Variants in PCDHGA6 observed in about 807,000 individuals in gnomAD.
PCDHGA6 encodes the protein protocadherin gamma-A6.
Under a neutral mutation model 60.6 loss-of-function variants are expected in PCDHGA6, and 41 were observed. The observed-to-expected ratio is 0.68, with a 90% CI of 0.53 to 0.88. PCDHGA6 has a LOEUF of 0.88. PCDHGA6 is among the 40% of genes least tolerant of loss of function. The pLI, the probability that PCDHGA6 is intolerant of heterozygous loss-of-function variation, is 0.00. For missense variants in PCDHGA6, 1,312 were observed against 1,203.0 expected, an observed-to-expected ratio of 1.09 and a Z score of -1.34; for synonymous variants, 594 against 524.4, an observed-to-expected ratio of 1.13 and a Z score of -1.81.
chr5:141,418,906 C>T, intron 1 of PCDHGA6: 1 of 1,613,908 alleles, frequency 6.2e-7, no homozygotes, highest in Non-Finnish European at 8.5e-7. Flanking sequence ...AAATAATCAT[C>T]ACGTCACTCT....
intron 1 of PCDHGA6, among the ~76,000 whole-genome samples, chr5:141,488,133 G>T (rs1046071550): frequency 6.6e-6 from 1 of 152,198 alleles, no homozygotes; most frequent in Non-Finnish European, 1.5e-5. Context: ...AGAAAGAGGA[G>T]AGAACTAAAG....
chr5:141,380,927 T>C (rs1776861991), intron 1 of PCDHGA6, among the ~76,000 whole-genome samples: 2 of 152,248 alleles, frequency 1.3e-5, no homozygotes, highest in African/African-American at 2.4e-5. Context: ...TTAATAATCA[T>C]ACACTTTGCT....
chr5:141,460,614 G>A (rs10058360), intron 1 of PCDHGA6, among the ~76,000 whole-genome samples: 42,418 of 151,914 alleles, frequency 0.28, 6,648 homozygotes, highest in African/African-American at 0.43. Flanking sequence ...TAGATGGATA[G>A]ATAGACAGAT....
chr5:141,389,379 C>G, intron 1 of PCDHGA6: 1 of 1,613,770 alleles, frequency 6.2e-7, no homozygotes, highest in Non-Finnish European at 8.5e-7. Context: ...GCAGCGGGAG[C>G]TGTCATCCTA....
intron 1 of PCDHGA6, chr5:141,400,192 G>T (rs1411721247): frequency 6.2e-7 from 1 of 1,614,088 alleles, no homozygotes; most frequent in South Asian, 1.1e-5. Flanking sequence ...GTTTTACCTA[G>T]TGGTGGCCTT....
chr5:141,502,615 A>G (rs2099815317), intron 2 of PCDHGA6, among the ~76,000 whole-genome samples: 1 of 152,218 alleles, frequency 6.6e-6, no homozygotes, highest in Non-Finnish European at 1.5e-5. Context: ...TTGTGAAAAT[A>G]TAAGTAATCT....
rs763676784 is a variant in PCDHGA6 at position 141,374,276 on chromosome 5, C to A, written c.193C>A (p.Arg65Ser). The A allele has an allele frequency of 4.3e-6, 7 of 1,613,974 alleles. No individual in the cohort carries two copies. In the Admixed American group the frequency reaches 8.3e-5, roughly 19 times the overall value. Residue 65 changes from arginine (R) to serine (S), a missense_variant, in exon 1 of 4, where the codon CGC (arginine) becomes AGC (serine). Transcript: ENST00000517434. ...EPQELAEHGV[R>S]IVSRGRMQLF... ...CCAGGAGTTGGCGGAGCACGGAGTC[C>A]GCATCGTCTCCAGAGGTAGGATGCA...
intron 1 of PCDHGA6, chr5:141,393,144 G>T (rs745405842): frequency 1.2e-6 from 2 of 1,613,316 alleles, no homozygotes; most frequent in Non-Finnish European, 1.7e-6. Flanking sequence ...CACCCTGGTT[G>T]AGGATAAAGG....
At chr5:141,405,407 C>A (rs1252757330) in intron 1 of PCDHGA6, 3 of 1,582,052 alleles carry the variant, frequency 1.9e-6, no homozygotes, top group Non-Finnish European at 2.6e-6. Flanking sequence ...TCTTTCTTTT[C>A]TTTTTTTGTT....
chr5:141,389,741 G>A, intron 1 of PCDHGA6: 2 of 1,612,676 alleles, frequency 1.2e-6, no homozygotes, highest in African/African-American at 1.3e-5. Context: ...GCCTGGGGCT[G>A]CGCACGGGCG....
At chr5:141,478,118 G>C in intron 1 of PCDHGA6, 2 of 1,614,048 alleles carry the variant, frequency 1.2e-6, no homozygotes, top group African/African-American at 1.3e-5. Context: ...GTCAGTAACC[G>C]AGGACTCTCC....
intron 1 of PCDHGA6, among the ~76,000 whole-genome samples, chr5:141,449,869 T>G (rs1003364964): frequency 6.6e-6 from 1 of 151,924 alleles, no homozygotes; most frequent in African/African-American, 2.4e-5. Flanking sequence ...ATCAGAAAAT[T>G]TAACATCAAT....
Position 141,476,570 on chromosome 5 carries a change from A to G in PCDHGA6, c.2425-18237A>G. ...GATTAGCGAGGCCGTGGCTCCGGGG[A>G]CGCGCTTTCCGCTCGAGAGCGCGCA... On this transcript the variant is annotated intron_variant, in intron 1 of 3. Transcript: ENST00000517434. The surrounding 1 kb of genome is among the most constrained non-coding windows in gnomAD (Gnocchi z 7.6). 3 of 1,614,114 alleles carry G rather than the reference A, an allele frequency of 1.9e-6. No individual in the cohort carries two copies. The highest frequency in any genetic ancestry group is 2.5e-6 in the Non-Finnish European group (3 of 1,180,012).
Position 141,490,192 on chromosome 5 carries a change from A to C in PCDHGA6, c.2425-4615A>C. 1 of 1,614,182 alleles carries C rather than the reference A, an allele frequency of 6.2e-7. No homozygotes were observed. Among genetic ancestry groups the C allele is most frequent in the South Asian group, 1.1e-5 (1 of 91,082 alleles). On this transcript the variant is annotated intron_variant, in intron 1 of 3. Coordinates refer to ENST00000517434, the MANE Select transcript of PCDHGA6 (RefSeq NM_018919.3). The surrounding 1 kb of genome is among the most constrained non-coding windows in gnomAD (Gnocchi z 5.4). Reference sequence around the variant, plus strand: ...CTTTGAGGAGTCACGTTTCTATGAAATTCATGCAAGAGCCCGTGACCAGGG... The same window carrying C: ...CTTTGAGGAGTCACGTTTCTATGAACTTCATGCAAGAGCCCGTGACCAGGG...
At chr5:141,439,412 T>G (rs2098111019) in intron 1 of PCDHGA6, among the ~76,000 whole-genome samples, 1 of 152,194 alleles carries the variant, frequency 6.6e-6, no homozygotes, top group Admixed American at 6.5e-5. Flanking sequence ...CTAACATCAC[T>G]GAGGTTATAA....
In PCDHGA6 at chr5:141,485,792, G is replaced by A. The variant is rs114766079; in HGVS notation, c.2425-9015G>A. The A allele has an allele frequency of 6.2e-7, 1 of 1,614,236 alleles. No homozygotes were observed. Among genetic ancestry groups the A allele is most frequent in the East Asian group, 2.2e-5 (1 of 44,880 alleles). ...GCCTTTGGATCGAGAGAAGCAATCG[G>A]ACTACCGCCTGGTGCTGACTGCTGT... On this transcript the variant is annotated intron_variant, in intron 1 of 3. Coordinates refer to ENST00000517434, the MANE Select transcript of PCDHGA6 (RefSeq NM_018919.3). This position sits in a 1 kb window ranked among gnomAD's most constrained non-coding sequence, Gnocchi z 5.7.
At chr5:141,395,431 C>T (rs929194882) in intron 1 of PCDHGA6, 19 of 702,102 alleles carry the variant, frequency 2.7e-5, no homozygotes, top group Non-Finnish European at 4.0e-5. Context: ...TGCTTTTAAA[C>T]GACTTGGAAA....
At chr5:141,400,637 C>T (rs1198861683) in intron 1 of PCDHGA6, 1 of 1,324,714 alleles carries the variant, frequency 7.5e-7, no homozygotes, top group Non-Finnish European at 1.1e-6. Flanking sequence ...GTCAGAGCTG[C>T]TCAGAAAGCT....
chr5:141,490,640 G>C lies in PCDHGA6; in HGVS notation c.2425-4167G>C, dbSNP rs774630488. 1 of 1,614,122 alleles carries C rather than the reference G, an allele frequency of 6.2e-7. No individual in the cohort carries two copies. The highest frequency in any genetic ancestry group is 8.5e-7 in the Non-Finnish European group (1 of 1,180,012). On this transcript the variant is annotated intron_variant, in intron 1 of 3. Coordinates refer to ENST00000517434, the MANE Select transcript of PCDHGA6 (RefSeq NM_018919.3). This position sits in a 1 kb window ranked among gnomAD's most constrained non-coding sequence, Gnocchi z 5.4. The stretch of plus-strand genomic sequence containing the variant: ...TACACTGCTTACATCCTAGAAAACC[G>C]GCCTCCGGGCTCCCTTCTTTGCACT...
Sources: allele counts gnomAD v4.1 joint callset (sites outside exome capture counted in the v4.1 genomes callset), GRCh38; gene constraint gnomAD v4.1.1; non-coding constraint Gnocchi (gnomAD v3.1); transcripts MANE v1.5; gene names NCBI Gene and HGNC (gene_info 2026-07-23, HGNC 2026-07-21).